The following CDH8 variants were observed in gnomAD, a reference collection of about 807,000 sequenced individuals.
CDH8 encodes cadherin 8.
In CDH8, 17 loss-of-function variants were observed where a neutral mutation model predicts 68.1. The observed-to-expected ratio is 0.25, with a 90% confidence interval of 0.17 to 0.37. The LOEUF (loss-of-function observed/expected upper bound fraction) is 0.37, where lower values mean the gene tolerates loss of function less well. Among genes scored for constraint, CDH8 ranks in the 10% least tolerant of loss-of-function variants. The pLI is 1.00. For synonymous variants in CDH8, 372 were observed against 365.1 expected, an observed-to-expected ratio of 1.02 and a Z score of -0.21; for missense variants, 763 against 999.3, an observed-to-expected ratio of 0.76 and a Z score of 3.19.
At chr16:61,703,531 C>T (rs569571133) in intron 10 of CDH8, among the ~76,000 whole-genome samples, 6 of 152,238 alleles carry the variant, frequency 3.9e-5, no homozygotes, top group Admixed American at 6.5e-5. Context: ...ATCTTTTAAA[C>T]TATGCACTGA....
At chr16:61,713,137 G>A (rs1964662002) in intron 10 of CDH8, among the ~76,000 whole-genome samples, 1 of 151,484 alleles carries the variant, frequency 6.6e-6, no homozygotes, top group African/African-American at 2.4e-5. Flanking sequence ...TTAATATATG[G>A]CTGCTTAGAA....
intron 10 of CDH8, among the ~76,000 whole-genome samples, chr16:61,680,876 T>C (rs2142799849): frequency 6.6e-6 from 1 of 152,074 alleles, no homozygotes; most frequent in Middle Eastern, 3.4e-3. Flanking sequence ...AACAAATAAA[T>C]GTGCCAAGCT....
intron 7 of CDH8, among the ~76,000 whole-genome samples, chr16:61,792,106 T>G (rs1961391751): frequency 6.6e-6 from 1 of 152,016 alleles, no homozygotes; most frequent in South Asian, 2.1e-4. Context: ...TGGGAATTTA[T>G]AAATGGCAGA....
At chr16:61,873,400 G>C (rs995200582) in intron 3 of CDH8, among the ~76,000 whole-genome samples, 8 of 152,070 alleles carry the variant, frequency 5.3e-5, no homozygotes, top group Non-Finnish European at 1.0e-4. Flanking sequence ...ACCATAAGCT[G>C]GTTCAACATA....
rs1185703652 is a variant in CDH8, at chr16:61,940,398, C to CTTTTTTTTTTTTTTTTTTTTTTTTT, written c.253-38926_253-38925insAAAAAAAAAAAAAAAAAAAAAAAAA. ...GAGCTATGGTAATGAACTACTTGAT[C>CTTTTTTTTTTTTTTTTTTTTTTTTT]TTTTTTTTTTTTTTTTTTTGAGACG... On this transcript the variant is annotated intron_variant, in intron 2 of 11. Coordinates refer to ENST00000577390, the MANE Select transcript of CDH8 (RefSeq NM_001796.5). 74 of 116,282 alleles carry CTTTTTTTTTTTTTTTTTTTTTTTTT rather than the reference C, an allele frequency of 6.4e-4. 8 individuals are homozygous for CTTTTTTTTTTTTTTTTTTTTTTTTT. Among genetic ancestry groups the CTTTTTTTTTTTTTTTTTTTTTTTTT allele is most frequent in the African/African-American group, 2.0e-3 (53 of 26,874 alleles). The allele number at this position is 116,282 out of a possible 1,614,324, so 7.2% of individuals were successfully genotyped here. A position where few individuals can be genotyped will look rare whatever the true frequency, so the allele number is the denominator to read the frequency against.
intron 3 of CDH8, among the ~76,000 whole-genome samples, chr16:61,872,619 C>T (rs188762431): frequency 1.1e-3 from 161 of 152,194 alleles, no homozygotes; most frequent in Non-Finnish European, 1.0e-3. Flanking sequence ...TCATAAGACT[C>T]AAAGAGTCTG....
chr16:61,662,620 TA>T (rs1352150605), intron 10 of CDH8, among the ~76,000 whole-genome samples: 3 of 151,634 alleles, frequency 2.0e-5, no homozygotes, highest in African/African-American at 7.3e-5. Context: ...AGAAAATACT[TA>T]AAAAAATAAA....
chr16:62,029,795 A>G (rs1301680745), intron 1 of CDH8, among the ~76,000 whole-genome samples: 2 of 152,244 alleles, frequency 1.3e-5, no homozygotes, highest in South Asian at 2.1e-4. Flanking sequence ...GGTGATAGCT[A>G]TATACTACTT....
At chr16:61,845,853 G>A (rs1597013855) in intron 4 of CDH8, among the ~76,000 whole-genome samples, 2 of 152,058 alleles carry the variant, frequency 1.3e-5, no homozygotes, top group Non-Finnish European at 2.9e-5. Context: ...CAGACCCATA[G>A]GAGTTTGAAA....
At chr16:61,775,017 T>C (rs1036697892) in intron 8 of CDH8, among the ~76,000 whole-genome samples, 3 of 152,116 alleles carry the variant, frequency 2.0e-5, no homozygotes, top group African/African-American at 7.2e-5. Context: ...TACAAATCGC[T>C]ATTTAAGATG....
intron 2 of CDH8, among the ~76,000 whole-genome samples, chr16:61,911,958 A>G (rs1429649848): frequency 1.3e-5 from 2 of 152,156 alleles, no homozygotes; most frequent in Non-Finnish European, 2.9e-5. Context: ...ACAGAATGTT[A>G]TATCAGTGCT....
chr16:61,703,978 C>A (rs889239034), intron 10 of CDH8, among the ~76,000 whole-genome samples: 1 of 152,164 alleles, frequency 6.6e-6, no homozygotes, highest in African/African-American at 2.4e-5. Context: ...GATGTAAGCA[C>A]ATCAAGATAC....
intron 2 of CDH8, among the ~76,000 whole-genome samples, chr16:61,949,054 T>C (rs1219494762): frequency 6.6e-6 from 1 of 152,228 alleles, no homozygotes; most frequent in Admixed American, 6.5e-5. Flanking sequence ...TTCTGATTAC[T>C]CTTGCAATGA....
chr16:61,935,486 G>A (rs1964613450), intron 2 of CDH8, among the ~76,000 whole-genome samples: 1 of 152,132 alleles, frequency 6.6e-6, no homozygotes, highest in South Asian at 2.1e-4. Flanking sequence ...ATTGAGAATG[G>A]AACTATACAT....
chr16:61,812,742 G>A (rs1416885177), intron 7 of CDH8, among the ~76,000 whole-genome samples: 1 of 152,112 alleles, frequency 6.6e-6, no homozygotes, highest in Non-Finnish European at 1.5e-5. Flanking sequence ...CAATAAACAC[G>A]ACTGTCATCA....
chr16:61,695,495 C>T (rs1343814070), intron 10 of CDH8, among the ~76,000 whole-genome samples: 4 of 152,046 alleles, frequency 2.6e-5, no homozygotes, highest in African/African-American at 9.7e-5. Flanking sequence ...GATCTGAGGC[C>T]TTGTGAAGAC....
intron 4 of CDH8, among the ~76,000 whole-genome samples, chr16:61,837,439 C>A (rs1239536908): frequency 6.6e-6 from 1 of 151,940 alleles, no homozygotes; most frequent in Non-Finnish European, 1.5e-5. Context: ...GGAAAAGAAG[C>A]GGGATGAGCA....
chr16:61,665,883 T>C (rs939412509), intron 10 of CDH8, among the ~76,000 whole-genome samples: 1 of 147,318 alleles, frequency 6.8e-6, no homozygotes, highest in Non-Finnish European at 1.5e-5. Flanking sequence ...CTTTCTTTTA[T>C]TTCTTTCAGT....
intron 8 of CDH8, among the ~76,000 whole-genome samples, chr16:61,730,228 G>A (rs117944069): frequency 0.011 from 1,619 of 151,432 alleles, 18 homozygotes; most frequent in Non-Finnish European, 0.016. Context: ...TCTTATTGGA[G>A]GCAATTTTCA....
Sources: allele counts gnomAD v4.1 joint callset (sites outside exome capture counted in the v4.1 genomes callset), GRCh38; gene constraint gnomAD v4.1.1; transcripts MANE v1.5; gene names NCBI Gene and HGNC (gene_info 2026-07-23, HGNC 2026-07-21).